The following SND1 variants were observed in gnomAD, a reference collection of about 807,000 sequenced individuals.
SND1 encodes the protein staphylococcal nuclease domain-containing protein 1.
Under a neutral mutation model 121.7 loss-of-function variants are expected in SND1, and 38 were observed. That is an observed-to-expected ratio of 0.31 (90% CI 0.24 to 0.41). The LOEUF is 0.41. Among genes scored for constraint, SND1 ranks in the 10% least tolerant of loss-of-function variants. The pLI, the probability that SND1 is intolerant of heterozygous loss-of-function variation, is 1.00. For missense variants in SND1, 868 were observed against 1,184.6 expected (o/e 0.73, Z 3.92); for synonymous variants, 401 against 447.4 (o/e 0.90, Z 1.31).
At chr7:127,942,661 T>C (rs1801241443) in intron 15 of SND1, among the ~76,000 whole-genome samples, 1 of 152,216 alleles carries the variant, frequency 6.6e-6, no homozygotes, top group Non-Finnish European at 1.5e-5. Flanking sequence ...ATGCTAACTT[T>C]TAAAACATCA....
intron 15 of SND1, among the ~76,000 whole-genome samples, chr7:127,963,522 C>T (rs1238810888): frequency 9.8e-6 from 1 of 102,290 alleles, no homozygotes; most frequent in Non-Finnish European, 1.9e-5. Flanking sequence ...TTTGTTCTTG[C>T]GATAGTTTAC....
At chr7:127,908,291 T>C (rs1800382650) in intron 14 of SND1, among the ~76,000 whole-genome samples, 1 of 149,016 alleles carries the variant, frequency 6.7e-6, no homozygotes. Context: ...TGAGACCCCA[T>C]CTCTACCAAA....
intron 20 of SND1, 199 bp from the exon 21 acceptor site, chr7:128,086,739 T>A: frequency 1.6e-6 from 1 of 621,002 alleles, no homozygotes; most frequent in Non-Finnish European, 2.9e-6. Context: ...CCCCATCTAC[T>A]GCTGGACCAG....
chr7:127,878,852 A>T lies in SND1; in HGVS notation c.1344-9050A>T, dbSNP rs948729372. Among the ~76,000 whole-genome samples, 13 of 152,130 alleles carry T rather than the reference A, an allele frequency of 8.5e-5. 1 individual carries two copies. Among genetic ancestry groups the T allele is most frequent in the Middle Eastern group, 3.2e-3 (1 of 316 alleles). On this transcript the variant is annotated intron_variant, in intron 12 of 23. Transcript: ENST00000354725. Reference sequence around the variant, plus strand: ...CTATAAAGCATGTGTGCCACCTCAAATGTTTCCAATTATCGAGGCTTCCAA... The same window carrying T: ...CTATAAAGCATGTGTGCCACCTCAATTGTTTCCAATTATCGAGGCTTCCAA...
At chr7:127,816,662 C>CT (rs919893026) in intron 11 of SND1, among the ~76,000 whole-genome samples, 4,509 of 135,202 alleles carry the variant, frequency 0.033, 266 homozygotes, top group African/African-American at 0.1. Flanking sequence ...TTCTCAAACT[C>CT]TTTTTTTTTT....
intron 11 of SND1, among the ~76,000 whole-genome samples, chr7:127,839,243 A>C (rs1207657879): frequency 2.6e-5 from 4 of 152,140 alleles, no homozygotes; most frequent in Non-Finnish European, 5.9e-5. Flanking sequence ...AAATTCTGTC[A>C]TGAGAGGGGT....
intron 2 of SND1, among the ~76,000 whole-genome samples, chr7:127,691,585 A>G (rs986987791): frequency 1.1e-4 from 16 of 151,948 alleles, no homozygotes; most frequent in Non-Finnish European, 2.1e-4. Context: ...AAAAGAAGGT[A>G]AAAAATAAAA....
At chr7:127,873,842 A>T (rs1799640562) in intron 12 of SND1, among the ~76,000 whole-genome samples, 1 of 152,210 alleles carries the variant, frequency 6.6e-6, no homozygotes, top group East Asian at 1.9e-4. Flanking sequence ...TTGAAATCGA[A>T]CCTCATAATG....
At chr7:127,961,525 T>G (rs1430216135) in intron 15 of SND1, among the ~76,000 whole-genome samples, 1 of 152,244 alleles carries the variant, frequency 6.6e-6, no homozygotes, top group Non-Finnish European at 1.5e-5. Context: ...GCAAAAGCAC[T>G]CATTTTCAAG....
intron 22 of SND1, among the ~76,000 whole-genome samples, chr7:128,091,406 T>C (rs1793777730): frequency 6.6e-6 from 1 of 150,500 alleles, no homozygotes; most frequent in Admixed American, 6.6e-5. Flanking sequence ...TTTTTTTTAA[T>C]AGAGATGGGG....
intron 4 of SND1, 54 bp downstream of exon 4, chr7:127,699,007 C>A: frequency 6.9e-7 from 1 of 1,439,266 alleles, no homozygotes; most frequent in Non-Finnish European, 9.7e-7. Context: ...GGCTTTGCTG[C>A]ATTTTTCATT....
At chr7:127,660,128 A>G (rs1358417610) in intron 1 of SND1, among the ~76,000 whole-genome samples, 1 of 151,422 alleles carries the variant, frequency 6.6e-6, no homozygotes, top group Non-Finnish European at 1.5e-5. Context: ...TGGGGTGGAG[A>G]GAGGGTAGAT....
intron 15 of SND1, among the ~76,000 whole-genome samples, chr7:127,950,771 T>C (rs1402761465): frequency 6.6e-6 from 1 of 152,200 alleles, no homozygotes; most frequent in South Asian, 2.1e-4. Flanking sequence ...AAATCTCAGA[T>C]GTATATAGGA....
chr7:127,809,246 T>C (rs1798292461), intron 11 of SND1, among the ~76,000 whole-genome samples: 1 of 152,222 alleles, frequency 6.6e-6, no homozygotes, highest in South Asian at 2.1e-4. Context: ...GCCTCCTTTA[T>C]TGGTTCCTGT....
chr7:127,740,612 C>T (rs558584522), intron 10 of SND1, among the ~76,000 whole-genome samples: 2 of 152,342 alleles, frequency 1.3e-5, no homozygotes, highest in East Asian at 1.9e-4. Context: ...GTCTGCACAT[C>T]AGAAATCACC....
chr7:128,063,562 C>T (rs546758888), intron 16 of SND1, among the ~76,000 whole-genome samples: 1 of 152,356 alleles, frequency 6.6e-6, no homozygotes, highest in Admixed American at 6.5e-5. Flanking sequence ...GACTTTCCTT[C>T]TCCCACGTCA....
intron 15 of SND1, among the ~76,000 whole-genome samples, chr7:127,942,036 C>G (rs907869135): frequency 6.6e-6 from 1 of 151,902 alleles, no homozygotes; most frequent in African/African-American, 2.4e-5. Context: ...TCACGTGGTG[C>G]TCCTTGTAAG....
chr7:128,020,708 G>T (rs1398480759), intron 16 of SND1, among the ~76,000 whole-genome samples: 1 of 152,170 alleles, frequency 6.6e-6, no homozygotes, highest in Non-Finnish European at 1.5e-5. Flanking sequence ...AGTCGGAGTG[G>T]ATGTGGACTT....
At chr7:127,807,430 A>G (rs1400126806) in intron 10 of SND1, 54 bp from the exon 11 acceptor site, 2 of 1,369,042 alleles carry the variant, frequency 1.5e-6, no homozygotes, top group Non-Finnish European at 2.1e-6. Context: ...GTGCTGTTGT[A>G]CATGTTCATT....
Sources: gnomAD v4.1 joint callset for allele counts (sites outside exome capture counted in the v4.1 genomes callset) on GRCh38, gnomAD v4.1.1 for gene constraint, MANE v1.5 for transcripts, NCBI Gene and HGNC (gene_info 2026-07-23, HGNC 2026-07-21) for gene names.